DLG3: variants seen among roughly 807,000 people sequenced by gnomAD.
DLG3 encodes discs large MAGUK scaffold protein 3, also known as disks large homolog 3.
In DLG3, 1 loss-of-function variant was observed where a neutral mutation model predicts 64.1. The observed-to-expected ratio is 0.02, with a 90% CI of 0.01 to 0.07. The LOEUF (loss-of-function observed/expected upper bound fraction) is 0.07, where lower values mean the gene tolerates loss of function less well. Ranked by LOEUF, DLG3 falls within the 10% of genes least tolerant of loss-of-function variation. DLG3 has a pLI of 1.00. For synonymous variants in DLG3, 245 were observed against 259.8 expected (o/e 0.94, Z 0.55); for missense variants, 429 against 669.5 (o/e 0.64, Z 3.96).
In DLG3 at chrX:70,498,563, G is replaced by A; in HGVS notation, c.1863G>A (p.Arg621=). Residue 621 remains arginine, a synonymous_variant, in exon 14 of 19, where the codon CGG becomes CGA. Transcript: ENST00000374360. The stretch of plus-strand genomic sequence containing the variant: ...TTTTGTCATATGAGCCAGTGACACG[G>A]CAAGAAAGTAAGCCTCCTCTGAGAG... ...DAILSYEPVT[R]QEIHYARPVI... 1.7e-6 allele frequency: 2 copies of A among 1,206,397 alleles called. No homozygotes were observed. The highest frequency in any genetic ancestry group is 3.6e-5 in the South Asian group (2 of 55,807).
At chrX:70,472,888 G>A (rs764730146) in intron 9 of DLG3, among the ~76,000 whole-genome samples, 2 of 111,371 alleles carry the variant, frequency 1.8e-5, no homozygotes, top group Non-Finnish European at 3.8e-5. Context: ...CGGGCGCAGT[G>A]GCTCACACCT....
chrX:70,467,651 T>G (rs1489333281), intron 9 of DLG3, among the ~76,000 whole-genome samples: 1 of 112,170 alleles, frequency 8.9e-6, no homozygotes. Context: ...TTAACTCAAG[T>G]TGTCAAACTT....
rs1008114755 is a variant in DLG3 at position 70,464,760 on chromosome X, G to A, written c.1405+10444G>A. Among the ~76,000 whole-genome samples the A allele has an allele frequency of 3.6e-5, 4 of 111,441 alleles. No homozygotes were observed. The South Asian group carries it at 1.1e-3, about 32-fold the overall frequency. On this transcript the variant is annotated intron_variant, in intron 9 of 18. Coordinates refer to ENST00000374360, the MANE Select transcript of DLG3 (RefSeq NM_021120.4). ...CACTTGAGCCCAGGAATTCGAGACC[G>A]GCCTGGCCAAAATGGTGAAACCCCA...
intron 9 of DLG3, among the ~76,000 whole-genome samples, chrX:70,457,264 G>A (rs1436919938): frequency 2.7e-5 from 3 of 111,839 alleles, no homozygotes; most frequent in African/African-American, 9.8e-5. Flanking sequence ...CAACAGGAAG[G>A]ATACTGGGGA....
chrX:70,485,675 G>A (rs748338549), intron 10 of DLG3, among the ~76,000 whole-genome samples: 5 of 111,949 alleles, frequency 4.5e-5, no homozygotes, highest in Admixed American at 9.5e-5. Flanking sequence ...TTTGCTTTGC[G>A]TTCCGGTTCA....
chrX:70,461,004 A>G (rs1192786377), intron 9 of DLG3, among the ~76,000 whole-genome samples: 2 of 112,009 alleles, frequency 1.8e-5, no homozygotes, highest in Non-Finnish European at 3.8e-5. Flanking sequence ...CTTTTTTGCT[A>G]TTATGAATAA....
intron 9 of DLG3, among the ~76,000 whole-genome samples, chrX:70,475,241 G>C (rs1189790201): frequency 9.0e-6 from 1 of 111,646 alleles, no homozygotes; most frequent in African/African-American, 3.3e-5. Flanking sequence ...ATTAAGAATT[G>C]TAAACAACTT....
chrX:70,479,866 G>A (rs1398248554), intron 10 of DLG3, among the ~76,000 whole-genome samples: 1 of 111,412 alleles, frequency 9.0e-6, no homozygotes, highest in South Asian at 3.8e-4. Context: ...GTAGCATGGA[G>A]TATATTGCTG....
chrX:70,454,450 T>C, intron 9 of DLG3, 134 bp downstream of exon 9: 1 of 556,695 alleles, frequency 1.8e-6, no homozygotes, highest in Non-Finnish European at 3.0e-6. Context: ...TCTTCCTCTC[T>C]CCTTTTCCTG....
chrX:70,490,317 C>T (rs1312570505), intron 10 of DLG3, among the ~76,000 whole-genome samples: 1 of 111,974 alleles, frequency 8.9e-6, no homozygotes, highest in Non-Finnish European at 1.9e-5. Context: ...GAGGTTGCTT[C>T]ATGATGCTCT....
chrX:70,458,776 A>G (rs1244128324), intron 9 of DLG3, among the ~76,000 whole-genome samples: 1 of 112,750 alleles, frequency 8.9e-6, no homozygotes, highest in African/African-American at 3.2e-5. Flanking sequence ...TACCACAGTA[A>G]GAGATACTAT....
intron 10 of DLG3, among the ~76,000 whole-genome samples, chrX:70,486,650 CTTTTTTTTTTT>C (rs371561978): frequency 1.4e-5 from 1 of 71,631 alleles, no homozygotes; most frequent in African/African-American, 5.0e-5. Flanking sequence ...ATACCTTTTG[CTTTTTTTTTTT>C]TTTTTTTTCA....
At chrX:70,498,603 T>C in intron 14 of DLG3, 33 bp downstream of exon 14, 1 of 1,166,561 alleles carries the variant, frequency 8.6e-7, no homozygotes, top group East Asian at 3.0e-5. Context: ...GTCTTCGTGC[T>C]GGTCTCCTGG....
At chrX:70,469,238 C>T (rs2147817212) in intron 9 of DLG3, among the ~76,000 whole-genome samples, 1 of 110,615 alleles carries the variant, frequency 9.0e-6, no homozygotes, top group South Asian at 3.9e-4. Context: ...GCCTCAAAAT[C>T]CTGGCCTCAA....
intron 9 of DLG3, among the ~76,000 whole-genome samples, chrX:70,462,040 T>TCCCCCCCCCCCCCCCC (rs540004723): frequency 1.3e-5 from 1 of 76,970 alleles, no homozygotes; most frequent in Non-Finnish European, 2.5e-5. Flanking sequence ...TCACTCCTCA[T>TCCCCCCCCCCCCCCCC]CCCCCCCCCA....
rs1569269951 is a variant in DLG3, at chrX:70,451,877, C to T, written c.996C>T (p.Ala332=). 2 of 1,209,345 alleles carry T rather than the reference C, an allele frequency of 1.7e-6. No individual in the cohort carries two copies. The highest frequency in any genetic ancestry group is 2.2e-6 in the Non-Finnish European group (2 of 895,017). Residue 332 remains alanine, a synonymous_variant, in exon 7 of 19, where the codon GCC becomes GCT. Transcript: ENST00000374360. ...APPDYASTFT[A]LADNHISHNS... ...CTTTCTTGATTCCAGCTTTTACTGC[C>T]TTGGCTGACAACCACATAAGCCATA...
At chrX:70,447,133 G>A (rs2086576274) in intron 1 of DLG3, among the ~76,000 whole-genome samples, 6 of 110,848 alleles carry the variant, frequency 5.4e-5, no homozygotes, top group Admixed American at 3.8e-4. Flanking sequence ...TGGGCCAGTT[G>A]GCCAAGGTTT....
intron 9 of DLG3, chrX:70,455,296 C>T: frequency 5.3e-6 from 4 of 754,322 alleles, no homozygotes; most frequent in Non-Finnish European, 6.3e-6. Context: ...CAGGCCCCCT[C>T]GCAGTCCCCC....
intron 9 of DLG3, among the ~76,000 whole-genome samples, chrX:70,463,665 A>T (rs2086840784): frequency 9.0e-6 from 1 of 111,581 alleles, no homozygotes; most frequent in Admixed American, 9.6e-5. Flanking sequence ...ATATATATAA[A>T]ATCTTGGCAG....
Sources: gnomAD v4.1 joint callset for allele counts (sites outside exome capture counted in the v4.1 genomes callset) on GRCh38, gnomAD v4.1.1 for gene constraint, MANE v1.5 for transcripts, NCBI Gene and HGNC (gene_info 2026-07-23, HGNC 2026-07-21) for gene names.